Variants in ATP11A observed in about 807,000 individuals in gnomAD.
ATP11A encodes phospholipid-transporting ATPase IH.
A neutral mutation model predicts 154.4 loss-of-function variants in ATP11A; 81 were observed. The ratio of observed to expected loss-of-function variants is 0.52; its 90% CI spans 0.44 to 0.63. The LOEUF is 0.63. Among genes scored for constraint, ATP11A ranks in the 30% least tolerant of loss-of-function variants. ATP11A has a pLI of 0.00. For missense variants in ATP11A, 1,316 were observed against 1,474.3 expected (o/e 0.89, Z 1.76); for synonymous variants, 623 against 585.9 (o/e 1.06, Z -0.91).
At position 112,695,406 on chromosome 13, in the gene ATP11A, C is replaced by T. The variant is rs1885690263; in HGVS notation, c.39+4951C>T. Among the ~76,000 whole-genome samples the T allele has an allele frequency of 2.0e-5, 3 of 152,332 alleles. No homozygotes were observed. In the South Asian group the frequency reaches 6.2e-4, roughly 32 times the overall value. ...TGTCTTCAGGGCCTCGTGTCTTCCACCTGGACATTCTAAAGCAGTCTGCCC... is the reference window on the plus strand; with the variant it reads ...TGTCTTCAGGGCCTCGTGTCTTCCATCTGGACATTCTAAAGCAGTCTGCCC... On this transcript the variant is annotated intron_variant, in intron 1 of 29. Coordinates refer to ENST00000375645, the MANE Select transcript of ATP11A (RefSeq NM_015205.3).
At chr13:112,790,467 C>T (rs61259514) in intron 2 of ATP11A, among the ~76,000 whole-genome samples, 1 of 148,526 alleles carries the variant, frequency 6.7e-6, no homozygotes, top group African/African-American at 2.6e-5. Flanking sequence ...CATGTAGACT[C>T]CTGTGGAGAC....
rs2079989563 is a variant in ATP11A at position 112,858,188 on chromosome 13, C to T, written c.2565C>T (p.Asp855=). 2.5e-6 allele frequency: 4 copies of T among 1,614,040 alleles called. No individual in the cohort carries two copies. Among genetic ancestry groups the T allele is most frequent in the Middle Eastern group, 1.7e-4 (1 of 6,036 alleles). Residue 855 remains aspartate (D), a synonymous_variant, in exon 22 of 30, where the codon GAC becomes GAT. Transcript: ENST00000375645. ...GCCGCCAGGCTGCCAGGAACAGCGA[C>T]TATGCAATCCCAAAGTTTAAGCATT... The part of the protein sequence containing the change: ...KEGRQAARNS[D]YAIPKFKHLK...
chr13:112,822,285 G>A (rs1170292671), intron 8 of ATP11A, among the ~76,000 whole-genome samples: 2 of 152,182 alleles, frequency 1.3e-5, no homozygotes, highest in African/African-American at 4.8e-5. Flanking sequence ...TCCATCAGCA[G>A]GGAACCCTGT....
At chr13:112,827,486 C>T (rs1219600699) in intron 12 of ATP11A, among the ~76,000 whole-genome samples, 1 of 152,154 alleles carries the variant, frequency 6.6e-6, no homozygotes, top group Admixed American at 6.5e-5. Context: ...GTGACCACCG[C>T]CCTGCCACCG....
chr13:112,765,955 G>C (rs374433), intron 1 of ATP11A, among the ~76,000 whole-genome samples: 24,237 of 152,292 alleles, frequency 0.16, 2,142 homozygotes, highest in African/African-American at 0.22. Flanking sequence ...CCGGTGTCCG[G>C]CGTTGATCCT....
At chr13:112,729,153 T>C (rs1448033070) in intron 1 of ATP11A, among the ~76,000 whole-genome samples, 2 of 152,208 alleles carry the variant, frequency 1.3e-5, no homozygotes, top group Non-Finnish European at 2.9e-5. Flanking sequence ...TTGGAAGACA[T>C]TTCTGTTAGC....
At chr13:112,787,780 G>C (rs2077690715) in intron 2 of ATP11A, among the ~76,000 whole-genome samples, 2 of 143,618 alleles carry the variant, frequency 1.4e-5, no homozygotes, top group African/African-American at 2.6e-5. Flanking sequence ...ATTCACACCG[G>C]TGTCCTGACG....
rs558459697 is a variant in ATP11A, at chr13:112,841,123, C to T, written c.1706-1153C>T. Among the ~76,000 whole-genome samples, 22 of 150,498 alleles carry T rather than the reference C, an allele frequency of 1.5e-4. No homozygotes were observed. In the East Asian group the frequency reaches 1.6e-3, roughly 11 times the overall value. ...CGCCTGGCAGAGTGCCACGTGGCTTCGCGGACCAGGGATGCTTCAGGTGCA... is the reference window on the plus strand; with the variant it reads ...CGCCTGGCAGAGTGCCACGTGGCTTTGCGGACCAGGGATGCTTCAGGTGCA... On this transcript the variant is annotated intron_variant, in intron 16 of 29. Transcript: ENST00000375645.
intron 1 of ATP11A, among the ~76,000 whole-genome samples, chr13:112,735,125 A>T (rs1178221338): frequency 6.6e-6 from 1 of 152,180 alleles, no homozygotes; most frequent in Non-Finnish European, 1.5e-5. Flanking sequence ...AAAAAAGGAA[A>T]TCTCCATCTG....
At chr13:112,817,097 A>G (rs2078666621) in intron 6 of ATP11A, among the ~76,000 whole-genome samples, 1 of 152,208 alleles carries the variant, frequency 6.6e-6, no homozygotes, top group Admixed American at 6.5e-5. Context: ...TGTCAATCAT[A>G]CAAGAAAAGA....
intron 1 of ATP11A, among the ~76,000 whole-genome samples, chr13:112,715,489 T>C (rs1441047478): frequency 4.7e-4 from 4 of 8,480 alleles, no homozygotes; most frequent in Non-Finnish European, 1.8e-3. Flanking sequence ...CCCATCCCCG[T>C]ACCTGGCCCA....
intron 8 of ATP11A, 92 bp from the exon 9 acceptor site, chr13:112,823,253 G>A: frequency 1.1e-6 from 1 of 909,460 alleles, no homozygotes; most frequent in Non-Finnish European, 1.8e-6. Context: ...GATCTGCTGA[G>A]CAAACAAGTG....
At chr13:112,694,036 T>G (rs886197268) in intron 1 of ATP11A, among the ~76,000 whole-genome samples, 1 of 152,212 alleles carries the variant, frequency 6.6e-6, no homozygotes, top group Admixed American at 6.5e-5. Context: ...CAACACCGAT[T>G]CAGGTAGTTT....
At chr13:112,769,988 C>T (rs2077188694) in intron 1 of ATP11A, among the ~76,000 whole-genome samples, 1 of 152,234 alleles carries the variant, frequency 6.6e-6, no homozygotes, top group African/African-American at 2.4e-5. Flanking sequence ...GTTACGTTTG[C>T]TCCTGCTGCA....
rs536987880 is a variant in ATP11A at position 112,707,596 on chromosome 13, C to T, written c.39+17141C>T. 9.2e-5 allele frequency among the ~76,000 whole-genome samples: 14 copies of T among 152,132 alleles called. No individual in the cohort carries two copies. The South Asian group carries it at 2.9e-3, about 32-fold the overall frequency. On this transcript the variant is annotated intron_variant, in intron 1 of 29. Coordinates refer to ENST00000375645, the MANE Select transcript of ATP11A (RefSeq NM_015205.3). ...GAACTCAATGTAGCCATTCCACAGTCGACCGGCATTTGACGCAAATTAAAA... is the reference window on the plus strand; with the variant it reads ...GAACTCAATGTAGCCATTCCACAGTTGACCGGCATTTGACGCAAATTAAAA...
chr13:112,805,362 A>G (rs2078291663), intron 3 of ATP11A, among the ~76,000 whole-genome samples: 1 of 152,176 alleles, frequency 6.6e-6, no homozygotes, highest in South Asian at 2.1e-4. Context: ...GCATCGTTAC[A>G]CTTAATTTAC....
intron 1 of ATP11A, among the ~76,000 whole-genome samples, chr13:112,742,146 AG>A (rs1243402770): frequency 4.8e-4 from 73 of 152,260 alleles, no homozygotes. Flanking sequence ...GGAGGCAAAC[AG>A]GAACACTCAT....
At chr13:112,870,981 C>T (rs192031909) in intron 25 of ATP11A, among the ~76,000 whole-genome samples, 1 of 152,356 alleles carries the variant, frequency 6.6e-6, no homozygotes, top group Non-Finnish European at 1.5e-5. Context: ...ACTGACCTTC[C>T]CTCCTCCACG....
chr13:112,859,498 C>G lies in ATP11A; in HGVS notation c.2727+46C>G, dbSNP rs766647762. On this transcript the variant is annotated intron_variant, in intron 23 of 29. Coordinates refer to ENST00000375645, the MANE Select transcript of ATP11A (RefSeq NM_015205.3). This position sits in a 1 kb window ranked among gnomAD's most constrained non-coding sequence, Gnocchi z 4.3. ...GGACAGGCTGTCTGAGCCTTCTTTT[C>G]CTTCCCGCAGTGGGTGGCTGCTGTG... The G allele has an allele frequency of 6.5e-7, 1 of 1,536,006 alleles. No individual in the cohort carries two copies. The highest frequency in any genetic ancestry group is 1.7e-5 in the Admixed American group (1 of 59,904).
Sources: gnomAD v4.1 joint callset for allele counts (sites outside exome capture counted in the v4.1 genomes callset) on GRCh38, gnomAD v4.1.1 for gene constraint, Gnocchi (gnomAD v3.1) non-coding constraint, MANE v1.5 for transcripts, NCBI Gene and HGNC (gene_info 2026-07-23, HGNC 2026-07-21) for gene names.